Variants in ZYG11A observed in about 807,000 individuals in gnomAD.
ZYG11A encodes protein zyg-11 homolog A.
ZYG11A carries 62 observed loss-of-function variants against 77.2 expected under a neutral mutation model. The observed-to-expected ratio is 0.80, with a 90% CI of 0.65 to 0.99. The LOEUF is 0.99. Among genes scored for constraint, ZYG11A ranks in the 50% least tolerant of loss-of-function variants. ZYG11A has a pLI of 0.00. For missense variants in ZYG11A, 828 were observed against 896.8 expected (o/e 0.92, Z 0.98); for synonymous variants, 315 against 324.6 (o/e 0.97, Z 0.32).
At chr1:52,843,032 G>A in intron 1 of ZYG11A, 59 bp downstream of exon 1, 5 of 1,430,060 alleles carry the variant, frequency 3.5e-6, no homozygotes, top group Non-Finnish European at 4.7e-6. Flanking sequence ...GCTCCGGCGA[G>A]CGCGGCGAGT....
At chr1:52,884,865 C>G (rs1021088072) in intron 11 of ZYG11A, among the ~76,000 whole-genome samples, 1 of 151,800 alleles carries the variant, frequency 6.6e-6, no homozygotes, top group Non-Finnish European at 1.5e-5. Flanking sequence ...TCGGGGAGTC[C>G]GAATCCTTTG....
intron 1 of ZYG11A, among the ~76,000 whole-genome samples, chr1:52,853,889 G>T (rs1645759711): frequency 6.6e-6 from 1 of 152,074 alleles, no homozygotes; most frequent in Admixed American, 6.6e-5. Flanking sequence ...CTAGGCGATA[G>T]TGAGACCCTG....
chr1:52,869,419 A>T (rs570645512), intron 8 of ZYG11A, among the ~76,000 whole-genome samples: 20 of 151,488 alleles, frequency 1.3e-4, no homozygotes, highest in African/African-American at 4.6e-4. Context: ...GTCCCTGGGT[A>T]CTTGAGATTA....
At chr1:52,858,264 C>T (rs1201473623) in intron 3 of ZYG11A, among the ~76,000 whole-genome samples, 5 of 149,466 alleles carry the variant, frequency 3.3e-5, no homozygotes, top group African/African-American at 4.9e-5. Context: ...GGTGTGTTGG[C>T]GGGCGCCTGT....
At chr1:52,844,713 A>C (rs1387791387) in intron 1 of ZYG11A, among the ~76,000 whole-genome samples, 2 of 149,600 alleles carry the variant, frequency 1.3e-5, no homozygotes, top group African/African-American at 4.9e-5. Flanking sequence ...TTTTTTTTTG[A>C]GACGGAGTCT....
intron 3 of ZYG11A, among the ~76,000 whole-genome samples, chr1:52,860,236 C>T (rs950212387): frequency 2.0e-5 from 3 of 151,650 alleles, no homozygotes; most frequent in Non-Finnish European, 4.4e-5. Flanking sequence ...AAAATAGAGG[C>T]GAGGTCTCAC....
intron 1 of ZYG11A, among the ~76,000 whole-genome samples, chr1:52,848,696 A>T (rs930939342): frequency 1.3e-4 from 19 of 151,962 alleles, no homozygotes; most frequent in Non-Finnish European, 1.6e-4. Context: ...AGCCTGGAGA[A>T]TCTCTACTAA....
intron 3 of ZYG11A, 140 bp downstream of exon 3, chr1:52,857,889 G>GATT: frequency 1.6e-6 from 1 of 610,124 alleles, no homozygotes; most frequent in Non-Finnish European, 2.7e-6. Flanking sequence ...AATAATTAAT[G>GATT]ATTATTATGT....
At chr1:52,878,712 G>A (rs968327036) in intron 10 of ZYG11A, among the ~76,000 whole-genome samples, 1 of 151,980 alleles carries the variant, frequency 6.6e-6, no homozygotes. Flanking sequence ...GCCGAGGTGG[G>A]TGGATCACCT....
At position 52,864,090 on chromosome 1, in the gene ZYG11A, T is replaced by G; in HGVS notation, c.1259T>G (p.Val420Gly). Residue 420 changes from valine (V) to glycine (G), a missense_variant, in exon 5 of 14, where the codon GTT becomes GGT. Physicochemically the swap from Val to Gly is moderately radical, Grantham distance 109 (BLOSUM62 -3). Transcript: ENST00000371528. Reference protein sequence around the residue: ...TRQGLAKGMPVRLLSEVTCLL... With the variant: ...TRQGLAKGMPGRLLSEVTCLL... The stretch of plus-strand genomic sequence containing the variant: ...CAGGGCCTGGCCAAGGGGATGCCTG[T>G]TCGCCTGTTGTCAGAGGTCACCTGT... The G allele has an allele frequency of 6.4e-7, 1 of 1,551,984 alleles. No homozygotes were observed. Among genetic ancestry groups the G allele is most frequent in the Non-Finnish European group, 8.7e-7 (1 of 1,147,062 alleles).
chr1:52,849,058 TCTTTA>T (rs1645653304), intron 1 of ZYG11A, among the ~76,000 whole-genome samples: 1 of 152,094 alleles, frequency 6.6e-6, no homozygotes, highest in South Asian at 2.1e-4. Flanking sequence ...TTTTGGAGTT[TCTTTA>T]CTTCTTTTTC....
chr1:52,863,024 T>C (rs1645959690), intron 4 of ZYG11A, among the ~76,000 whole-genome samples: 1 of 152,200 alleles, frequency 6.6e-6, no homozygotes, highest in Non-Finnish European at 1.5e-5. Context: ...TAAATTTCTT[T>C]TCATACCAGG....
At chr1:52,858,383 A>C (rs1645858462) in intron 3 of ZYG11A, among the ~76,000 whole-genome samples, 2 of 151,434 alleles carry the variant, frequency 1.3e-5, no homozygotes, top group Admixed American at 6.6e-5. Flanking sequence ...GTCTCAAAAA[A>C]AAAAGAAGAT....
At chr1:52,863,820 G>C (rs1645972667) in intron 4 of ZYG11A, among the ~76,000 whole-genome samples, 161 bp from the exon 5 acceptor site, 1 of 152,224 alleles carries the variant, frequency 6.6e-6, no homozygotes, top group Non-Finnish European at 1.5e-5. Flanking sequence ...GGATTAGAAG[G>C]CTTTGCTGTA....
At chr1:52,845,409 G>A (rs1037317235) in intron 1 of ZYG11A, among the ~76,000 whole-genome samples, 27 of 150,918 alleles carry the variant, frequency 1.8e-4, no homozygotes, top group Admixed American at 5.3e-4. Context: ...GGGTTCAAGC[G>A]ATTCTCTCGC....
chr1:52,894,762 CTG>C lies in ZYG11A; in HGVS notation c.*1807_*1808del, dbSNP rs1449915545. 3 of 152,224 alleles carry C rather than the reference CTG, an allele frequency of 2.0e-5. No homozygotes were observed. The highest frequency in any genetic ancestry group is 7.2e-5 in the African/African-American group (3 of 41,450). The allele number at this position is 152,224 out of a possible 1,614,324, so 9.4% of individuals were successfully genotyped here. ...CTTACTTCCTTCCATAGTCCTTAAA[CTG>C]TACTGTATTTTTTCACACTCTTGCA... On this transcript the variant is annotated 3_prime_UTR_variant, in exon 14 of 14. Coordinates refer to ENST00000371528, the MANE Select transcript of ZYG11A (RefSeq NM_001004339.3).
At chr1:52,855,806 G>A (rs896355160) in intron 2 of ZYG11A, among the ~76,000 whole-genome samples, 1 of 152,000 alleles carries the variant, frequency 6.6e-6, no homozygotes, top group African/African-American at 2.4e-5. Context: ...TCTGTTTTTC[G>A]GTTGATGGAC....
Position 52,842,802 on chromosome 1 carries a change from C to T in ZYG11A, c.-82C>T, listed in dbSNP as rs2149978167. The T allele has an allele frequency of 7.3e-7, 1 of 1,362,406 alleles. No individual in the cohort carries two copies. Among genetic ancestry groups the T allele is most frequent in the Middle Eastern group, 2.2e-4 (1 of 4,638 alleles). 84.4% of individuals were successfully genotyped at this position (1,362,406 alleles called of 1,614,324 possible). ...CGCAGGCGTGGTGGGCGCGTCCTGG[C>T]AGCCGCCCGCTTGGTTCTCGCGGGA... On this transcript the variant is annotated 5_prime_UTR_variant, in exon 1 of 14. Transcript: ENST00000371528.
At chr1:52,886,124 G>C (rs1276929533) in intron 12 of ZYG11A, among the ~76,000 whole-genome samples, 1 of 151,946 alleles carries the variant, frequency 6.6e-6, no homozygotes, top group Non-Finnish European at 1.5e-5. Flanking sequence ...AGTGGAGACG[G>C]GGTTTCACCA....
Sources: gnomAD v4.1 joint callset for allele counts (sites outside exome capture counted in the v4.1 genomes callset) on GRCh38, gnomAD v4.1.1 for gene constraint, MANE v1.5 for transcripts, NCBI Gene and HGNC (gene_info 2026-07-23, HGNC 2026-07-21) for gene names.